Variants in DGKG observed in about 807,000 individuals in gnomAD.
DGKG encodes diacylglycerol kinase gamma, also known as DAG kinase gamma.
In DGKG, 78 loss-of-function variants were observed where a neutral mutation model predicts 105.3. The observed-to-expected ratio is 0.74, with a 90% CI of 0.62 to 0.89. DGKG has a LOEUF of 0.89. DGKG is among the 40% of genes least tolerant of loss of function. The pLI, the probability that DGKG is intolerant of heterozygous loss-of-function variation, is 0.00. For missense variants in DGKG, 958 were observed against 1,020.1 expected, an observed-to-expected ratio of 0.94 and a Z score of 0.83; for synonymous variants, 346 against 367.1, an observed-to-expected ratio of 0.94 and a Z score of 0.66.
At chr3:186,306,644 TAACTG>T in intron 3 of DGKG, 1 of 410,990 alleles carries the variant, frequency 2.4e-6, no homozygotes, top group Non-Finnish European at 4.4e-6. Context: ...ACTCAGTTGT[TAACTG>T]AGGATGAGGA....
intron 22 of DGKG, among the ~76,000 whole-genome samples, chr3:186,170,937 C>T (rs1043923143): frequency 2.0e-5 from 3 of 152,240 alleles, no homozygotes; most frequent in Admixed American, 1.3e-4. Context: ...CTCTGGGAAA[C>T]ATCTGACATG....
chr3:186,306,599 G>A (rs1425881403), intron 3 of DGKG: 3 of 313,578 alleles, frequency 9.6e-6, no homozygotes, highest in Non-Finnish European at 1.8e-5. Context: ...TGAAAGATCT[G>A]TTCTGTTTGT....
At chr3:186,333,487 T>A (rs1314728361) in intron 1 of DGKG, among the ~76,000 whole-genome samples, 1 of 152,218 alleles carries the variant, frequency 6.6e-6, no homozygotes, top group African/African-American at 2.4e-5. Flanking sequence ...AAAACTGTCA[T>A]CATGCCACAC....
chr3:186,298,336 G>A, intron 3 of DGKG, 107 bp from the exon 4 acceptor site: 1 of 1,079,138 alleles, frequency 9.3e-7, no homozygotes, highest in Non-Finnish European at 1.3e-6. Flanking sequence ...AATGGAAAGG[G>A]AGGCAGTAGG....
chr3:186,283,777 C>A (rs1722934944), intron 7 of DGKG, among the ~76,000 whole-genome samples: 1 of 152,216 alleles, frequency 6.6e-6, no homozygotes, highest in Non-Finnish European at 1.5e-5. Flanking sequence ...TCAAATGACC[C>A]AACCCGCAGC....
At chr3:186,236,319 C>T (rs956792100) in intron 20 of DGKG, among the ~76,000 whole-genome samples, 1 of 152,208 alleles carries the variant, frequency 6.6e-6, no homozygotes, top group Non-Finnish European at 1.5e-5. Context: ...TAAAAACAAC[C>T]CTTTTATTGT....
chr3:186,355,721 C>T (rs1324028021), intron 1 of DGKG, among the ~76,000 whole-genome samples: 1 of 151,508 alleles, frequency 6.6e-6, no homozygotes, highest in Non-Finnish European at 1.5e-5. Context: ...GCACCAGCAC[C>T]AGCATCACTG....
intron 5 of DGKG, among the ~76,000 whole-genome samples, chr3:186,292,549 T>G (rs1723356831): frequency 2.0e-5 from 3 of 152,246 alleles, no homozygotes; most frequent in Admixed American, 6.5e-5. Flanking sequence ...ATCCCAGCAC[T>G]TTGGGAGGCC....
chr3:186,342,486 A>G (rs1029945276), intron 1 of DGKG, among the ~76,000 whole-genome samples: 10 of 152,080 alleles, frequency 6.6e-5, no homozygotes, highest in Non-Finnish European at 1.5e-4. Context: ...AAGTCTCTTC[A>G]TTTCCCTTGT....
chr3:186,184,244 T>C (rs1342592810), intron 22 of DGKG, among the ~76,000 whole-genome samples: 3 of 152,112 alleles, frequency 2.0e-5, no homozygotes, highest in African/African-American at 7.2e-5. Flanking sequence ...CTTAGGGTGG[T>C]TGGGTAATTT....
At chr3:186,325,149 A>G (rs1277751785) in intron 1 of DGKG, among the ~76,000 whole-genome samples, 1 of 152,252 alleles carries the variant, frequency 6.6e-6, no homozygotes, top group Non-Finnish European at 1.5e-5. Context: ...TGTGAAAACC[A>G]AATACTACAT....
At position 186,149,805 on chromosome 3, in the gene DGKG, G is replaced by A; in HGVS notation, c.*285C>T. 1 of 1,145,438 alleles carries A rather than the reference G, an allele frequency of 8.7e-7. No homozygotes were observed. The highest frequency in any genetic ancestry group is 4.7e-5 in the Admixed American group (1 of 21,272). 71.0% of individuals were successfully genotyped at this position (1,145,438 alleles called of 1,614,324 possible). ...CAGAAAATTCTGCTCAAGGCCTGTG[G>A]GAATGTGGAGGTTGCTGCCTAAGCC... On this transcript the variant is annotated 3_prime_UTR_variant, in exon 25 of 25. Coordinates refer to ENST00000265022, the MANE Select transcript of DGKG (RefSeq NM_001346.3).
At chr3:186,320,207 C>A (rs1463293120) in intron 2 of DGKG, among the ~76,000 whole-genome samples, 186 bp downstream of exon 2, 1 of 152,160 alleles carries the variant, frequency 6.6e-6, no homozygotes, top group Non-Finnish European at 1.5e-5. Context: ...GTAGTATTTA[C>A]TGAGCTTAAA....
chr3:186,172,632 T>G (rs1716879357), intron 22 of DGKG, among the ~76,000 whole-genome samples: 1 of 152,246 alleles, frequency 6.6e-6, no homozygotes, highest in African/African-American at 2.4e-5. Flanking sequence ...CATGTTGAGC[T>G]CTTACCGGGA....
intron 20 of DGKG, among the ~76,000 whole-genome samples, chr3:186,241,148 CCTT>C (rs1326036337): frequency 2.0e-5 from 3 of 152,114 alleles, no homozygotes; most frequent in Non-Finnish European, 2.9e-5. Flanking sequence ...AAAAAGACCT[CCTT>C]CTTCTTGGTT....
chr3:186,193,559 A>T (rs759108130), intron 21 of DGKG, among the ~76,000 whole-genome samples: 16 of 152,222 alleles, frequency 1.1e-4, no homozygotes, highest in African/African-American at 3.9e-4. Context: ...TGGCAAGCGC[A>T]CGCCTGCGTG....
intron 21 of DGKG, among the ~76,000 whole-genome samples, chr3:186,192,530 A>C (rs1717955612): frequency 6.6e-6 from 1 of 152,200 alleles, no homozygotes; most frequent in Non-Finnish European, 1.5e-5. Flanking sequence ...CTTCACATGA[A>C]CATGATGAGG....
In DGKG at chr3:186,272,257, C is replaced by T. The variant is rs757023938; in HGVS notation, c.997G>A (p.Glu333Lys). ...KTYSKAKRSGEVMQHAWVEGN... is the reference protein window; with the variant it reads ...KTYSKAKRSGKVMQHAWVEGN... ...ACAAGGCAGTAGATGTCACCAACCT[C>T]ACCACTCCTTTTGGCTTTTGAGTAC... Residue 333 changes from glutamate (E) to lysine (K), a missense_variant and splice_region_variant, in exon 11 of 25, where the codon GAG becomes AAG. Transcript: ENST00000265022. The T allele has an allele frequency of 2.2e-5, 35 of 1,612,708 alleles. No homozygotes were observed. The highest frequency in any genetic ancestry group is 2.9e-5 in the Non-Finnish European group (34 of 1,178,832).
intron 5 of DGKG, among the ~76,000 whole-genome samples, chr3:186,290,454 A>T (rs1723263522): frequency 6.6e-6 from 1 of 152,240 alleles, no homozygotes; most frequent in South Asian, 2.1e-4. Flanking sequence ...ACCTTGACTA[A>T]AATGGGCTAA....
Sources: allele counts gnomAD v4.1 joint callset (sites outside exome capture counted in the v4.1 genomes callset), GRCh38; gene constraint gnomAD v4.1.1; transcripts MANE v1.5; gene names NCBI Gene and HGNC (gene_info 2026-07-23, HGNC 2026-07-21).